The following HCN1 variants were observed in gnomAD, a reference collection of about 807,000 sequenced individuals.
HCN1 encodes the protein potassium/sodium hyperpolarization-activated cyclic nucleotide-gated channel 1.
A neutral mutation model predicts 78.9 loss-of-function variants in HCN1; 13 were observed. The observed-to-expected ratio is 0.16, with a 90% CI of 0.11 to 0.26. The LOEUF (loss-of-function observed/expected upper bound fraction) is 0.26, where lower values mean the gene tolerates loss of function less well. Among genes scored for constraint, HCN1 ranks in the 10% least tolerant of loss-of-function variants. The pLI is 1.00. For synonymous variants in HCN1, 552 were observed against 455.5 expected, an observed-to-expected ratio of 1.21 and a Z score of -2.70; for missense variants, 810 against 1,154.3, an observed-to-expected ratio of 0.70 and a Z score of 4.32.
At chr5:45,294,311 C>T (rs1315242190) in intron 6 of HCN1, among the ~76,000 whole-genome samples, 1 of 151,942 alleles carries the variant, frequency 6.6e-6, no homozygotes, top group Non-Finnish European at 1.5e-5. Context: ...CATAAAAATC[C>T]TAAATACATA....
At chr5:45,530,352 C>A (rs1416884072) in intron 2 of HCN1, among the ~76,000 whole-genome samples, 2 of 151,432 alleles carry the variant, frequency 1.3e-5, no homozygotes, top group Non-Finnish European at 2.9e-5. Context: ...TTTCAGTAAA[C>A]CTGAGCAAAT....
chr5:45,695,274 A>G (rs1383448080), intron 1 of HCN1: 1 of 234,610 alleles, frequency 4.3e-6, no homozygotes, highest in African/African-American at 2.4e-5. Context: ...CTCCTGGTTG[A>G]GACCACACTT....
chr5:45,684,900 T>C (rs1268851678), intron 1 of HCN1, among the ~76,000 whole-genome samples: 2 of 152,168 alleles, frequency 1.3e-5, no homozygotes, highest in Admixed American at 6.5e-5. Flanking sequence ...AGTAACTTTC[T>C]ATATTCATTT....
intron 2 of HCN1, among the ~76,000 whole-genome samples, chr5:45,596,853 T>C (rs1297172980): frequency 6.6e-6 from 1 of 152,096 alleles, no homozygotes; most frequent in Admixed American, 6.6e-5. Context: ...TTATCCAAAA[T>C]AAAATTAGAA....
At chr5:45,484,216 A>T (rs1741713347) in intron 2 of HCN1, among the ~76,000 whole-genome samples, 1 of 152,058 alleles carries the variant, frequency 6.6e-6, no homozygotes, top group Admixed American at 6.6e-5. Flanking sequence ...GCAGATCACA[A>T]GGTCAGGAGA....
chr5:45,604,062 A>G (rs1322088839), intron 2 of HCN1, among the ~76,000 whole-genome samples: 1 of 152,100 alleles, frequency 6.6e-6, no homozygotes, highest in Non-Finnish European at 1.5e-5. Flanking sequence ...ATGTTTCACA[A>G]AATTATTCAA....
intron 4 of HCN1, among the ~76,000 whole-genome samples, chr5:45,375,166 AT>A (rs1747584373): frequency 8.3e-6 from 1 of 121,072 alleles, no homozygotes; most frequent in Non-Finnish European, 1.6e-5. Context: ...TATATAATAT[AT>A]TTTATAATAT....
intron 1 of HCN1, among the ~76,000 whole-genome samples, chr5:45,656,399 G>A (rs1196055772): frequency 6.6e-6 from 1 of 152,078 alleles, no homozygotes; most frequent in East Asian, 1.9e-4. Flanking sequence ...GCTTTATAAA[G>A]GGCAGTCCTA....
At chr5:45,272,654 C>T (rs887541731) in intron 6 of HCN1, among the ~76,000 whole-genome samples, 3 of 152,008 alleles carry the variant, frequency 2.0e-5, no homozygotes, top group African/African-American at 7.2e-5. Flanking sequence ...GGTCATAGAA[C>T]TTGCCAAATG....
chr5:45,305,265 T>C (rs1449015861), intron 5 of HCN1, among the ~76,000 whole-genome samples: 1 of 152,170 alleles, frequency 6.6e-6, no homozygotes, highest in Non-Finnish European at 1.5e-5. Flanking sequence ...CCTAATGCCA[T>C]CCAGGATAGA....
At chr5:45,418,091 G>T (rs1353285993) in intron 3 of HCN1, among the ~76,000 whole-genome samples, 1 of 151,718 alleles carries the variant, frequency 6.6e-6, no homozygotes, top group Non-Finnish European at 1.5e-5. Context: ...AATTTTCTGA[G>T]AATTAAATTT....
At chr5:45,304,617 G>A (rs756184872) in intron 5 of HCN1, among the ~76,000 whole-genome samples, 6 of 152,096 alleles carry the variant, frequency 3.9e-5, no homozygotes, top group Non-Finnish European at 8.8e-5. Flanking sequence ...GGAGATTGCA[G>A]TGAGCCAAGA....
intron 1 of HCN1, among the ~76,000 whole-genome samples, chr5:45,671,441 C>A (rs1746148157): frequency 6.6e-6 from 1 of 151,310 alleles, no homozygotes; most frequent in Admixed American, 6.6e-5. Flanking sequence ...AATCGCTTCA[C>A]CCCATCCCCA....
At position 45,314,759 on chromosome 5, in the gene HCN1, C is replaced by A. The variant is rs1329182636; in HGVS notation, c.1378-10920G>T. Among the ~76,000 whole-genome samples, 6 of 152,066 alleles carry A rather than the reference C, an allele frequency of 3.9e-5. No individual in the cohort carries two copies. In the South Asian group the frequency reaches 8.3e-4, roughly 21 times the overall value. On this transcript the variant is annotated intron_variant, in intron 5 of 7. Transcript: ENST00000303230. ...AGAAAACAAAAAAAGGCAGGAGTTGCAATCCTAGTCTCTGATAAAACAGAC... is the reference window on the plus strand; with the variant it reads ...AGAAAACAAAAAAAGGCAGGAGTTGAAATCCTAGTCTCTGATAAAACAGAC...
intron 2 of HCN1, among the ~76,000 whole-genome samples, chr5:45,549,824 A>G (rs2111851827): frequency 6.6e-6 from 1 of 152,336 alleles, no homozygotes; most frequent in South Asian, 2.1e-4. Context: ...AACCCCATCA[A>G]AAAGTGGGCG....
At chr5:45,372,795 T>G (rs115264643) in intron 4 of HCN1, among the ~76,000 whole-genome samples, 5,008 of 140,082 alleles carry the variant, frequency 0.036, 315 homozygotes, top group African/African-American at 0.13. Flanking sequence ...ACAAAAATAT[T>G]TACGTATTCT....
chr5:45,587,211 A>T (rs1744248392), intron 2 of HCN1, among the ~76,000 whole-genome samples: 1 of 152,236 alleles, frequency 6.6e-6, no homozygotes, highest in South Asian at 2.1e-4. Context: ...ATATACCCAA[A>T]GGATTATAAA....
intron 5 of HCN1, among the ~76,000 whole-genome samples, chr5:45,307,364 C>G (rs530612097): frequency 6.6e-6 from 1 of 152,032 alleles, no homozygotes. Context: ...AGCATGGGGA[C>G]TTCCTTCAAA....
intron 2 of HCN1, among the ~76,000 whole-genome samples, chr5:45,548,763 A>C (rs1451935822): frequency 1.3e-5 from 2 of 152,174 alleles, no homozygotes; most frequent in Non-Finnish European, 2.9e-5. Context: ...TCTCAGCTCA[A>C]AATCTCCTTA....
Sources: gnomAD v4.1 joint callset for allele counts (sites outside exome capture counted in the v4.1 genomes callset) on GRCh38, gnomAD v4.1.1 for gene constraint, MANE v1.5 for transcripts, NCBI Gene and HGNC (gene_info 2026-07-23, HGNC 2026-07-21) for gene names.